Variants in GNPNAT1 observed in about 807,000 individuals in gnomAD.
The protein encoded by GNPNAT1 is glucosamine-phosphate N-acetyltransferase 1.
A neutral mutation model predicts 19.8 loss-of-function variants in GNPNAT1; 11 were observed. The ratio of observed to expected loss-of-function variants is 0.56; its 90% CI spans 0.35 to 0.92. The LOEUF (loss-of-function observed/expected upper bound fraction) is 0.92, where lower values mean the gene tolerates loss of function less well. Among genes scored for constraint, GNPNAT1 ranks in the 40% least tolerant of loss-of-function variants. GNPNAT1 has a pLI of 0.01. For missense variants in GNPNAT1, 157 were observed against 211.0 expected, an observed-to-expected ratio of 0.74 and a Z score of 1.59; for synonymous variants, 71 against 72.3, an observed-to-expected ratio of 0.98 and a Z score of 0.09.
chr14:52,789,235 T>C (rs1292604376), intron 1 of GNPNAT1, among the ~76,000 whole-genome samples: 2 of 152,188 alleles, frequency 1.3e-5, no homozygotes, highest in Non-Finnish European at 2.9e-5. Context: ...CAAGGAACCC[T>C]GCATTTTAAT....
chr14:52,789,986 C>CA (rs200756037), intron 1 of GNPNAT1, among the ~76,000 whole-genome samples: 3,283 of 106,708 alleles, frequency 0.031, 66 homozygotes, highest in African/African-American at 0.078. Context: ...TCCAGAAGGA[C>CA]AAAAAAAAAA....
In GNPNAT1 at chr14:52,779,525, C is replaced by T. The variant is rs139829915; in HGVS notation, c.408-1067G>A. Among the ~76,000 whole-genome samples, 521 of 151,680 alleles carry T rather than the reference C, an allele frequency of 3.4e-3. 2 individuals are homozygous for T. Among genetic ancestry groups the T allele is most frequent in the African/African-American group, 0.012 (494 of 41,396 alleles). On this transcript the variant is annotated intron_variant, in intron 5 of 5. Coordinates refer to ENST00000216410, the MANE Select transcript of GNPNAT1 (RefSeq NM_198066.4). The stretch of plus-strand genomic sequence containing the variant: ...CAAGGATCACTTGAGTCCAGAAGTT[C>T]GAGACTAGCCAAAGCAACATAGCAA...
In GNPNAT1 at chr14:52,776,522, A is replaced by T. The variant is rs1416424055; in HGVS notation, c.*1789T>A. ...CAAATTGTTCAGTGGTAAGAAAGGT[A>T]ATAAAGCATTTAGTTGTGCCTTTAA... is the stretch of plus-strand genomic sequence containing the variant. On this transcript the variant is annotated 3_prime_UTR_variant, in exon 6 of 6. Transcript: ENST00000216410. 1.3e-5 allele frequency: 2 copies of T among 152,184 alleles called. No homozygotes were observed. The highest frequency in any genetic ancestry group is 2.4e-5 in the African/African-American group (1 of 41,454). The allele number at this position is 152,184 out of a possible 1,614,324, so 9.4% of individuals were successfully genotyped here.
intron 1 of GNPNAT1, among the ~76,000 whole-genome samples, chr14:52,786,407 G>A (rs1272455914): frequency 6.6e-6 from 1 of 151,976 alleles, no homozygotes; most frequent in Non-Finnish European, 1.5e-5. Flanking sequence ...GGGAGGCTGA[G>A]GCAGGAGAAT....
intron 3 of GNPNAT1, among the ~76,000 whole-genome samples, chr14:52,782,634 T>C (rs565868829): frequency 1.1e-3 from 171 of 152,174 alleles, no homozygotes; most frequent in African/African-American, 3.9e-3. Flanking sequence ...GTCTCTCATA[T>C]TGTTAATTTC....
At chr14:52,786,303 A>G (rs2139971463) in intron 1 of GNPNAT1, among the ~76,000 whole-genome samples, 1 of 151,844 alleles carries the variant, frequency 6.6e-6, no homozygotes, top group East Asian at 2.0e-4. Flanking sequence ...TCAGGAGGTC[A>G]AGACCGGCCT....
intron 1 of GNPNAT1, among the ~76,000 whole-genome samples, chr14:52,788,483 G>T (rs1427969540): frequency 1.3e-5 from 2 of 152,298 alleles, no homozygotes; most frequent in East Asian, 3.9e-4. Context: ...TTAGTGTTTT[G>T]TCTAAATTGG....
chr14:52,786,059 C>CTTTTT (rs139721043), intron 1 of GNPNAT1, among the ~76,000 whole-genome samples: 3 of 133,546 alleles, frequency 2.2e-5, no homozygotes, highest in African/African-American at 8.3e-5. Context: ...CCACATGTAG[C>CTTTTT]TTTTTTTTTT....
intron 5 of GNPNAT1, among the ~76,000 whole-genome samples, chr14:52,779,783 G>T (rs956406362): frequency 2.8e-5 from 4 of 143,350 alleles, no homozygotes; most frequent in Admixed American, 2.1e-4. Flanking sequence ...ACAAGAAATC[G>T]GTCTGTTTTG....
intron 3 of GNPNAT1, among the ~76,000 whole-genome samples, chr14:52,782,878 G>A (rs1406654711): frequency 6.6e-6 from 1 of 151,896 alleles, no homozygotes; most frequent in Admixed American, 6.6e-5. Context: ...AAAAGCAGTG[G>A]TAGAGCACTG....
rs1055959126 is a variant in GNPNAT1 at position 52,791,277 on chromosome 14, C to G, written c.-15+151G>C. Among the ~76,000 whole-genome samples, 31 of 151,944 alleles carry G rather than the reference C, an allele frequency of 2.0e-4. No homozygotes were observed. Among genetic ancestry groups the G allele is most frequent in the Non-Finnish European group, 4.1e-4 (28 of 67,968 alleles). ...CTCCACACCATGTGCACCCAGCTGG[C>G]GAGGATTAACGCCCAGCTCCTCCAC... On this transcript the variant is annotated intron_variant, in intron 1 of 5. Coordinates refer to ENST00000216410, the MANE Select transcript of GNPNAT1 (RefSeq NM_198066.4). The surrounding 1 kb of genome is among the most constrained non-coding windows in gnomAD (Gnocchi z 4.1).
intron 1 of GNPNAT1, 98 bp from the exon 2 acceptor site, chr14:52,784,762 C>A: frequency 3.9e-6 from 2 of 515,064 alleles, no homozygotes; most frequent in Non-Finnish European, 6.6e-6. Context: ...TAGAAGCATT[C>A]TTTAGCACAT....
In GNPNAT1 at chr14:52,786,059, CT is replaced by C. The variant is rs139721043; in HGVS notation, c.-14-1396del. On this transcript the variant is annotated intron_variant, in intron 1 of 5. Transcript: ENST00000216410. ...AGCCACCATGTCTAGCCACATGTAG[CT>C]TTTTTTTTTTTTTTCAATGAACCAT... Among the ~76,000 whole-genome samples the C allele has an allele frequency of 5.6e-3, 746 of 133,486 alleles. 8 individuals are homozygous for C. Among genetic ancestry groups the C allele is most frequent in the African/African-American group, 0.017 (600 of 36,064 alleles). The allele number at this position is 133,486 out of a possible 152,430, so 87.6% of individuals were successfully genotyped here.
At chr14:52,782,883 G>T (rs1882926552) in intron 3 of GNPNAT1, among the ~76,000 whole-genome samples, 1 of 151,994 alleles carries the variant, frequency 6.6e-6, no homozygotes, top group Non-Finnish European at 1.5e-5. Context: ...CAGTGGTAGA[G>T]CACTGGACAG....
intron 1 of GNPNAT1, among the ~76,000 whole-genome samples, chr14:52,790,169 A>G (rs1883134450): frequency 6.6e-6 from 1 of 152,116 alleles, no homozygotes; most frequent in Non-Finnish European, 1.5e-5. Context: ...ACGAATGGGG[A>G]GAGAGGCTGC....
chr14:52,782,191 A>C (rs1288958889), intron 3 of GNPNAT1, among the ~76,000 whole-genome samples: 2 of 152,086 alleles, frequency 1.3e-5, no homozygotes, highest in Non-Finnish European at 2.9e-5. Flanking sequence ...TAAATGGCTG[A>C]TGTTGCCACT....
Position 52,781,730 on chromosome 14 carries a change from A to G in GNPNAT1, c.345+54T>C, listed in dbSNP as rs1882898394. The stretch of plus-strand genomic sequence containing the variant: ...AAACAGATTTGTCTAATGGAAACTC[A>G]AAGTCAGTTGTGCTAGAAAACAGCT... On this transcript the variant is annotated intron_variant, in intron 4 of 5. Coordinates refer to ENST00000216410, the MANE Select transcript of GNPNAT1 (RefSeq NM_198066.4). The G allele has an allele frequency of 2.6e-6, 4 of 1,526,658 alleles. No homozygotes were observed. The South Asian group carries it at 5.0e-5, about 19-fold the overall frequency. The allele number at this position is 1,526,658 out of a possible 1,614,324, so 94.6% of individuals were successfully genotyped here.
rs566995746 is a variant in GNPNAT1 at position 52,784,390 on chromosome 14, C to T, written c.154+107G>A. ...ATCACTTTAAAAACTAAGTATTATACAAAAAATAGTCCAAAAGTCAAATAT... is the reference window on the plus strand; with the variant it reads ...ATCACTTTAAAAACTAAGTATTATATAAAAAATAGTCCAAAAGTCAAATAT... On this transcript the variant is annotated intron_variant, in intron 2 of 5. Coordinates refer to ENST00000216410, the MANE Select transcript of GNPNAT1 (RefSeq NM_198066.4). 1.8e-5 allele frequency: 16 copies of T among 877,566 alleles called. No homozygotes were observed. The African/African-American group carries it at 2.1e-4, about 12-fold the overall frequency. The allele number at this position is 877,566 out of a possible 1,614,324, so 54.4% of individuals were successfully genotyped here.
At chr14:52,778,758 C>G (rs1461538338) in intron 5 of GNPNAT1, among the ~76,000 whole-genome samples, 3 of 152,082 alleles carry the variant, frequency 2.0e-5, no homozygotes, top group African/African-American at 4.8e-5. Flanking sequence ...TGACTCATAC[C>G]TGTAATCCTA....
Sources: gnomAD v4.1 joint callset for allele counts (sites outside exome capture counted in the v4.1 genomes callset) on GRCh38, gnomAD v4.1.1 for gene constraint, Gnocchi (gnomAD v3.1) non-coding constraint, MANE v1.5 for transcripts, NCBI Gene and HGNC (gene_info 2026-07-23, HGNC 2026-07-21) for gene names.